Variants in ERICH6B observed in about 807,000 individuals in gnomAD.
ERICH6B encodes glutamate-rich protein 6B.
In ERICH6B, 69 loss-of-function variants were observed where a neutral mutation model predicts 80.0. The ratio of observed to expected loss-of-function variants is 0.86; its 90% CI spans 0.71 to 1.05. The LOEUF is 1.05. ERICH6B is among the 50% of genes least tolerant of loss of function. ERICH6B has a pLI of 0.00. For synonymous variants in ERICH6B, 283 were observed against 291.9 expected, an observed-to-expected ratio of 0.97 and a Z score of 0.31; for missense variants, 754 against 796.1, an observed-to-expected ratio of 0.95 and a Z score of 0.64.
chr13:45,599,958 T>C (rs960470193), intron 2 of ERICH6B, among the ~76,000 whole-genome samples: 3 of 152,168 alleles, frequency 2.0e-5, no homozygotes, highest in African/African-American at 7.2e-5. Context: ...GGTTCTGTGG[T>C]ATATGAATGT....
chr13:45,614,501 G>GAA (rs1949916926), intron 1 of ERICH6B, among the ~76,000 whole-genome samples: 1 of 152,176 alleles, frequency 6.6e-6, no homozygotes, highest in African/African-American at 2.4e-5. Flanking sequence ...TGAAATTTCT[G>GAA]GTTTGGACTT....
chr13:45,579,672 A>C (rs1025207038), intron 7 of ERICH6B, among the ~76,000 whole-genome samples: 2 of 152,142 alleles, frequency 1.3e-5, no homozygotes, highest in Non-Finnish European at 2.9e-5. Context: ...GATGCTCTTA[A>C]ATGTGGGAGT....
intron 5 of ERICH6B, among the ~76,000 whole-genome samples, chr13:45,582,821 C>T (rs1047912495): frequency 2.0e-5 from 3 of 152,136 alleles, no homozygotes; most frequent in Non-Finnish European, 4.4e-5. Context: ...TGGAATTTCG[C>T]CCTATGGGGT....
At chr13:45,585,000 G>T (rs1875839853) in intron 5 of ERICH6B, among the ~76,000 whole-genome samples, 1 of 152,132 alleles carries the variant, frequency 6.6e-6, no homozygotes, top group Non-Finnish European at 1.5e-5. Flanking sequence ...TGTGCTTCCT[G>T]GTTCATCTTT....
At position 45,541,576 on chromosome 13, in the gene ERICH6B, A is replaced by C. The variant is rs1873775047; in HGVS notation, c.1977T>G (p.Asn659Lys). The C allele has an allele frequency of 6.4e-7, 1 of 1,551,732 alleles. No individual in the cohort carries two copies. Among genetic ancestry groups the C allele is most frequent in the African/African-American group, 1.4e-5 (1 of 73,006 alleles). The change falls in exon 15 of 15, where the codon AAT becomes AAG. Residue 659 changes from asparagine to lysine, a missense_variant. By Grantham distance (94) the Asn-to-Lys change is moderately conservative. Coordinates refer to ENST00000298738, the MANE Select transcript of ERICH6B (RefSeq NM_182542.3). ...GGGTGGTCGCGTAATTCAGGAGCCT[A>C]TTCATTTTCCCCAGAAGGACCCGGA... ...QKIRVLLGKM[N>K]RLLNYATTPD...
At chr13:45,588,540 C>G (rs1876020825) in intron 4 of ERICH6B, among the ~76,000 whole-genome samples, 1 of 152,168 alleles carries the variant, frequency 6.6e-6, no homozygotes, top group Non-Finnish European at 1.5e-5. Flanking sequence ...GTTTCTTTAT[C>G]CTTCTAGCGA....
chr13:45,582,427 G>A (rs769240263), intron 5 of ERICH6B, among the ~76,000 whole-genome samples: 7 of 152,188 alleles, frequency 4.6e-5, no homozygotes, highest in Non-Finnish European at 1.0e-4. Flanking sequence ...CACTTCTCCA[G>A]CCTGCTGTTT....
intron 14 of ERICH6B, among the ~76,000 whole-genome samples, chr13:45,542,036 C>T (rs750352950): frequency 6.6e-6 from 1 of 152,212 alleles, no homozygotes; most frequent in Non-Finnish European, 1.5e-5. Context: ...TGGGGCCCTG[C>T]AAGAGCTGGG....
intron 2 of ERICH6B, among the ~76,000 whole-genome samples, chr13:45,606,539 ATATATATATTTTTT>A (rs1949865942): frequency 1.7e-4 from 2 of 11,446 alleles, no homozygotes; most frequent in Non-Finnish European, 4.3e-4. Flanking sequence ...ATATATATAT[ATATATATATTTTTT>A]TTTTTTTTTT....
intron 11 of ERICH6B, among the ~76,000 whole-genome samples, chr13:45,560,332 T>C (rs1874614842): frequency 6.6e-6 from 1 of 152,210 alleles, no homozygotes; most frequent in Non-Finnish European, 1.5e-5. Flanking sequence ...AGGCTTCATT[T>C]TTTAGAGCAG....
At position 45,584,088 on chromosome 13, in the gene ERICH6B, A is replaced by G. The variant is rs531334267; in HGVS notation, c.856+2975T>C. 1.1e-3 allele frequency among the ~76,000 whole-genome samples: 169 copies of G among 152,326 alleles called. 1 individual carries two copies. The highest frequency in any genetic ancestry group is 3.4e-3 in the Middle Eastern group (1 of 294). On this transcript the variant is annotated intron_variant, in intron 5 of 14. Coordinates refer to ENST00000298738, the MANE Select transcript of ERICH6B (RefSeq NM_182542.3). ...ACCTTGAATCAGATGAGCATTCAACAACAATTTCACAAGTATTTAATAAAT... is the reference window on the plus strand; with the variant it reads ...ACCTTGAATCAGATGAGCATTCAACGACAATTTCACAAGTATTTAATAAAT...
intron 9 of ERICH6B, among the ~76,000 whole-genome samples, chr13:45,565,892 G>T (rs534216194): frequency 8.3e-4 from 126 of 152,326 alleles, no homozygotes; most frequent in African/African-American, 3.0e-3. Context: ...GCAGGAGTTG[G>T]AACAGTTTGG....
At chr13:45,570,504 A>C (rs986310161) in intron 8 of ERICH6B, among the ~76,000 whole-genome samples, 2 of 152,196 alleles carry the variant, frequency 1.3e-5, no homozygotes, top group Non-Finnish European at 2.9e-5. Flanking sequence ...GAATAACTGA[A>C]CTATAGGTTG....
chr13:45,564,292 C>T (rs991346040), intron 9 of ERICH6B, among the ~76,000 whole-genome samples: 1 of 152,232 alleles, frequency 6.6e-6, no homozygotes, highest in Non-Finnish European at 1.5e-5. Context: ...AAGCCCTTTT[C>T]TCCCTCTCAT....
chr13:45,565,919 C>T (rs1287997857), intron 9 of ERICH6B, among the ~76,000 whole-genome samples: 1 of 152,154 alleles, frequency 6.6e-6, no homozygotes, highest in Admixed American at 6.5e-5. Flanking sequence ...CAGAAGAAGA[C>T]AGGAAAATAC....
chr13:45,560,310 T>C (rs1324233249), intron 11 of ERICH6B, among the ~76,000 whole-genome samples: 1 of 152,218 alleles, frequency 6.6e-6, no homozygotes, highest in Admixed American at 6.5e-5. Flanking sequence ...TACCATGAGA[T>C]AGATTTTTTA....
At chr13:45,579,217 G>A (rs372204950) in intron 7 of ERICH6B, among the ~76,000 whole-genome samples, 26 of 152,322 alleles carry the variant, frequency 1.7e-4, no homozygotes, top group African/African-American at 4.1e-4. Flanking sequence ...CTGGCGGTGC[G>A]ATGGGTTGGG....
intron 3 of ERICH6B, among the ~76,000 whole-genome samples, chr13:45,592,586 G>A (rs938989109): frequency 6.6e-6 from 1 of 152,198 alleles, no homozygotes; most frequent in African/African-American, 2.4e-5. Context: ...GATGCACTAT[G>A]TATATCAAAA....
At chr13:45,558,412 T>C (rs1874527407) in intron 11 of ERICH6B, among the ~76,000 whole-genome samples, 1 of 152,166 alleles carries the variant, frequency 6.6e-6, no homozygotes, top group East Asian at 1.9e-4. Context: ...TCTTCACCAA[T>C]TTGGATGCCC....
Sources: gnomAD v4.1 joint callset for allele counts (sites outside exome capture counted in the v4.1 genomes callset) on GRCh38, gnomAD v4.1.1 for gene constraint, MANE v1.5 for transcripts, NCBI Gene and HGNC (gene_info 2026-07-23, HGNC 2026-07-21) for gene names.